FMN2: variants seen among roughly 807,000 people sequenced by gnomAD.
The protein encoded by FMN2 is formin-2.
A neutral mutation model predicts 142.3 loss-of-function variants in FMN2; 51 were observed. That is an observed-to-expected ratio of 0.36 (90% confidence interval 0.29 to 0.45). The LOEUF is 0.45. Ranked by LOEUF, FMN2 falls within the 20% of genes least tolerant of loss-of-function variation. FMN2 has a pLI of 1.00. For synonymous variants in FMN2, 882 were observed against 869.8 expected (o/e 1.01, Z -0.25); for missense variants, 1,936 against 2,122.8 (o/e 0.91, Z 1.73).
At chr1:240,406,452 G>A (rs10926243) in intron 15 of FMN2, among the ~76,000 whole-genome samples, 2 of 151,998 alleles carry the variant, frequency 1.3e-5, no homozygotes, top group African/African-American at 4.8e-5. Context: ...TGTTAAGATC[G>A]CGCTCTGAGA....
intron 7 of FMN2, among the ~76,000 whole-genome samples, chr1:240,279,080 G>A (rs1368218763): frequency 6.6e-6 from 1 of 152,176 alleles, no homozygotes; most frequent in Non-Finnish European, 1.5e-5. Context: ...AGTGTTATAT[G>A]ATGGACACGT....
chr1:240,265,978 A>G (rs992058344), intron 7 of FMN2, among the ~76,000 whole-genome samples: 12 of 134,120 alleles, frequency 8.9e-5, no homozygotes, highest in African/African-American at 3.4e-4. Flanking sequence ...GTCTTTGTCC[A>G]TGGGACAAAA....
intron 7 of FMN2, chr1:240,285,303 C>T (rs899073998): frequency 2.4e-5 from 11 of 455,034 alleles, no homozygotes; most frequent in Non-Finnish European, 4.4e-5. Context: ...AGGACAGTTC[C>T]TCTGAACACC....
intron 16 of FMN2, among the ~76,000 whole-genome samples, chr1:240,465,984 G>A (rs1303284893): frequency 1.3e-5 from 2 of 152,148 alleles, no homozygotes; most frequent in East Asian, 1.9e-4. Context: ...CTGGGGTTAC[G>A]TAGGGAGAGT....
intron 6 of FMN2, among the ~76,000 whole-genome samples, chr1:240,215,325 A>AATT (rs1666854863): frequency 6.6e-6 from 1 of 152,226 alleles, no homozygotes; most frequent in South Asian, 2.1e-4. Flanking sequence ...ATATCAGCTC[A>AATT]TATAATGCTC....
intron 2 of FMN2, among the ~76,000 whole-genome samples, chr1:240,137,632 C>T (rs1662999729): frequency 2.6e-5 from 4 of 152,306 alleles, no homozygotes; most frequent in Middle Eastern, 6.8e-3. Flanking sequence ...AGGGCCTTTT[C>T]TTGTTCTTGT....
intron 14 of FMN2, among the ~76,000 whole-genome samples, chr1:240,385,347 G>C (rs1390029558): frequency 6.6e-6 from 1 of 152,132 alleles, no homozygotes; most frequent in Non-Finnish European, 1.5e-5. Flanking sequence ...AGTTCAGCCT[G>C]GTATTAGTAA....
chr1:240,224,589 G>A lies in FMN2; in HGVS notation c.4065+13354G>A, dbSNP rs1475397677. Among the ~76,000 whole-genome samples, 8 of 152,082 alleles carry A rather than the reference G, an allele frequency of 5.3e-5. No individual in the cohort carries two copies. The South Asian group carries it at 1.2e-3, about 24-fold the overall frequency. On this transcript the variant is annotated intron_variant, in intron 6 of 17. Transcript: ENST00000319653. ...TTGATCTGTCAAATGTTGACAGTGGGGTGTTAAAATCTCCCACTATTATTG... is the reference window on the plus strand; with the variant it reads ...TTGATCTGTCAAATGTTGACAGTGGAGTGTTAAAATCTCCCACTATTATTG...
chr1:240,324,609 C>T (rs1329409713), intron 8 of FMN2, among the ~76,000 whole-genome samples: 2 of 142,854 alleles, frequency 1.4e-5, no homozygotes, highest in Non-Finnish European at 3.0e-5. Context: ...TGTAGTGAGC[C>T]GAGATCATAT....
intron 6 of FMN2, among the ~76,000 whole-genome samples, chr1:240,239,652 A>G (rs1448383801): frequency 3.3e-5 from 5 of 152,262 alleles, no homozygotes; most frequent in Admixed American, 3.3e-4. Flanking sequence ...TAAAAGCACC[A>G]GCATACTCTA....
intron 1 of FMN2, among the ~76,000 whole-genome samples, chr1:240,096,156 A>T (rs1661189015): frequency 1.3e-5 from 2 of 152,216 alleles, no homozygotes; most frequent in South Asian, 4.1e-4. Context: ...ATCCAGAAAT[A>T]GAAACTGAGT....
chr1:240,183,178 A>C (rs1377842642), intron 3 of FMN2, among the ~76,000 whole-genome samples: 2 of 151,550 alleles, frequency 1.3e-5, no homozygotes, highest in Non-Finnish European at 2.9e-5. Flanking sequence ...TGGCCTCCCA[A>C]AGTGCTGGGA....
At chr1:240,388,884 G>C (rs910290343) in intron 14 of FMN2, among the ~76,000 whole-genome samples, 25 of 151,212 alleles carry the variant, frequency 1.7e-4, no homozygotes, top group Non-Finnish European at 2.9e-4. Flanking sequence ...AAAAGGGGGG[G>C]GGTCAAGCAT....
intron 15 of FMN2, among the ~76,000 whole-genome samples, chr1:240,436,363 G>T (rs1675370271): frequency 6.6e-6 from 1 of 152,180 alleles, no homozygotes; most frequent in Non-Finnish European, 1.5e-5. Flanking sequence ...TGGGAATCTT[G>T]CTGCTCAGAG....
At chr1:240,356,291 G>A (rs1223827787) in intron 14 of FMN2, among the ~76,000 whole-genome samples, 1 of 151,964 alleles carries the variant, frequency 6.6e-6, no homozygotes, top group African/African-American at 2.4e-5. Flanking sequence ...TTTCAACCTG[G>A]TATTTATTTG....
At chr1:240,322,498 G>A (rs113122063) in intron 8 of FMN2, among the ~76,000 whole-genome samples, 3 of 152,272 alleles carry the variant, frequency 2.0e-5, no homozygotes, top group African/African-American at 4.8e-5. Context: ...ATTTAGAGAC[G>A]AGAAACAGAC....
intron 15 of FMN2, among the ~76,000 whole-genome samples, chr1:240,435,266 C>T (rs140569009): frequency 1.5e-3 from 221 of 151,808 alleles, no homozygotes; most frequent in African/African-American, 5.2e-3. Flanking sequence ...AAAACTGAGG[C>T]TCAGAAGTTA....
chr1:240,286,864 C>T (rs1472500175), intron 7 of FMN2, among the ~76,000 whole-genome samples: 1 of 152,164 alleles, frequency 6.6e-6, no homozygotes, highest in Non-Finnish European at 1.5e-5. Context: ...TTACACCTGA[C>T]AACGCAGTTC....
At chr1:240,170,437 C>T (rs1402893318) in intron 2 of FMN2, 114 of 1,306,090 alleles carry the variant, frequency 8.7e-5, no homozygotes, top group Non-Finnish European at 1.1e-4. Context: ...TGATAACTGT[C>T]ATCCCATTTT....
Sources: allele counts gnomAD v4.1 joint callset (sites outside exome capture counted in the v4.1 genomes callset), GRCh38; gene constraint gnomAD v4.1.1; transcripts MANE v1.5; gene names NCBI Gene and HGNC (gene_info 2026-07-23, HGNC 2026-07-21).